ZEB1: variants seen among roughly 807,000 people sequenced by gnomAD.
ZEB1 encodes the protein zinc finger E-box-binding homeobox 1.
Under a neutral mutation model 84.9 loss-of-function variants are expected in ZEB1, and 21 were observed. That is an observed-to-expected ratio of 0.25 (90% CI 0.18 to 0.36). The LOEUF (loss-of-function observed/expected upper bound fraction) is 0.36. ZEB1 is among the 10% of genes least tolerant of loss of function. ZEB1 has a pLI of 1.00. For missense variants in ZEB1, 1,104 were observed against 1,330.2 expected (o/e 0.83, Z 2.65); for synonymous variants, 420 against 471.1 (o/e 0.89, Z 1.41).
intron 1 of ZEB1, among the ~76,000 whole-genome samples, chr10:31,442,876 G>T (rs576180772): frequency 6.6e-6 from 1 of 152,324 alleles, no homozygotes; most frequent in South Asian, 2.1e-4. Context: ...GACAAGAACA[G>T]TGTTGGTGGA....
intron 1 of ZEB1, chr10:31,319,531 T>G: frequency 3.9e-6 from 2 of 512,788 alleles, no homozygotes; most frequent in East Asian, 3.5e-5. Flanking sequence ...TCTCTCCGCC[T>G]AGCGGCTCCC....
At chr10:31,343,512 G>A (rs929361038) in intron 1 of ZEB1, among the ~76,000 whole-genome samples, 3 of 151,346 alleles carry the variant, frequency 2.0e-5, no homozygotes, top group Non-Finnish European at 4.4e-5. Flanking sequence ...TTTAAAGTAC[G>A]GCCTTTGATT....
chr10:31,420,551 G>A (rs904719101), intron 1 of ZEB1, among the ~76,000 whole-genome samples: 2 of 152,112 alleles, frequency 1.3e-5, no homozygotes, highest in African/African-American at 4.8e-5. Flanking sequence ...TCTTTTAAGG[G>A]TTCACCTGAT....
chr10:31,323,639 G>C (rs1246938575), intron 1 of ZEB1, among the ~76,000 whole-genome samples: 1 of 151,950 alleles, frequency 6.6e-6, no homozygotes, highest in East Asian at 1.9e-4. Flanking sequence ...TCTGTAGTTC[G>C]TACGTTGCTG....
chr10:31,451,789 G>A (rs984680875), intron 1 of ZEB1, among the ~76,000 whole-genome samples: 6 of 152,166 alleles, frequency 3.9e-5, no homozygotes, highest in Non-Finnish European at 8.8e-5. Flanking sequence ...AGGTAATTTG[G>A]GAGGATGGCT....
At position 31,452,732 on chromosome 10, in the gene ZEB1, TGTGTGTGTGTGAGAGAGAGA is replaced by T. The variant is rs1395256270; in HGVS notation, c.59-8303_59-8284del. Among the ~76,000 whole-genome samples the T allele has an allele frequency of 3.8e-3, 423 of 111,868 alleles. 3 individuals are homozygous for T. Among genetic ancestry groups the T allele is most frequent in the African/African-American group, 0.018 (351 of 19,224 alleles). The allele number at this position is 111,868 out of a possible 152,430, so 73.4% of individuals were successfully genotyped here. A position where few individuals can be genotyped will look rare whatever the true frequency, so the allele number is the denominator to read the frequency against. Reference sequence around the variant, plus strand: ...GTGTGTGTGTGTGTGTGTGTGTGTGTGTGTGTGTGTGAGAGAGAGAGAGAGAGAGAGAGAGAGAGAGAGAT... The same window carrying T: ...GTGTGTGTGTGTGTGTGTGTGTGTGTGAGAGAGAGAGAGAGAGAGAGAGAT... On this transcript the variant is annotated intron_variant, in intron 1 of 8. Coordinates refer to ENST00000424869, the MANE Select transcript of ZEB1 (RefSeq NM_001174096.2).
intron 1 of ZEB1, among the ~76,000 whole-genome samples, chr10:31,342,189 A>G (rs901742795): frequency 2.0e-5 from 3 of 152,184 alleles, no homozygotes; most frequent in African/African-American, 7.2e-5. Flanking sequence ...AGGCTCAAAT[A>G]CTTGTTGAAT....
chr10:31,416,793 G>A (rs991439342), intron 1 of ZEB1, among the ~76,000 whole-genome samples: 6 of 152,056 alleles, frequency 3.9e-5, no homozygotes, highest in African/African-American at 9.7e-5. Context: ...CAAATTAAAC[G>A]CTTTCATCAA....
rs372188581 is a variant in ZEB1 at position 31,346,557 on chromosome 10, C to T, written c.58+27265C>T. Among the ~76,000 whole-genome samples the T allele has an allele frequency of 1.2e-4, 18 of 151,456 alleles. No homozygotes were observed. The East Asian group carries it at 3.3e-3, about 28-fold the overall frequency. On this transcript the variant is annotated intron_variant, in intron 1 of 8. Coordinates refer to ENST00000424869, the MANE Select transcript of ZEB1 (RefSeq NM_001174096.2). Reference sequence around the variant, plus strand: ...TAAATATAAAATTGAAACTTTTGCACGTAGAGTTTTTTTTTTCTTTTTGAG... The same window carrying T: ...TAAATATAAAATTGAAACTTTTGCATGTAGAGTTTTTTTTTTCTTTTTGAG...
chr10:31,356,419 A>T (rs897187387), intron 1 of ZEB1, among the ~76,000 whole-genome samples: 17 of 152,118 alleles, frequency 1.1e-4, no homozygotes, highest in African/African-American at 4.1e-4. Flanking sequence ...TCAGATTTGG[A>T]AGGTGACTCT....
intron 2 of ZEB1, among the ~76,000 whole-genome samples, chr10:31,492,883 T>C (rs1261817848): frequency 6.6e-6 from 1 of 151,920 alleles, no homozygotes; most frequent in East Asian, 1.9e-4. Context: ...ATAAGCTCTT[T>C]TGGTCTAAAT....
intron 1 of ZEB1, chr10:31,362,962 A>T: frequency 6.5e-7 from 1 of 1,533,870 alleles, no homozygotes; most frequent in Non-Finnish European, 8.7e-7. Context: ...ACCCACCAAC[A>T]GTGCCTCAGG....
At chr10:31,334,740 C>T (rs1435221019) in intron 1 of ZEB1, among the ~76,000 whole-genome samples, 1 of 151,908 alleles carries the variant, frequency 6.6e-6, no homozygotes, top group East Asian at 1.9e-4. Context: ...GGGAATGTTA[C>T]TACAGGTGTT....
chr10:31,398,256 C>T (rs2051198989), intron 1 of ZEB1, among the ~76,000 whole-genome samples: 1 of 152,094 alleles, frequency 6.6e-6, no homozygotes, highest in Non-Finnish European at 1.5e-5. Flanking sequence ...AAAAATTATA[C>T]TATTCATTGG....
intron 2 of ZEB1, among the ~76,000 whole-genome samples, chr10:31,478,010 G>A (rs1452186304): frequency 6.6e-6 from 1 of 151,764 alleles, no homozygotes; most frequent in Non-Finnish European, 1.5e-5. Flanking sequence ...AAGTACACAG[G>A]TGGGACTTAA....
At chr10:31,450,943 C>T (rs568773602) in intron 1 of ZEB1, among the ~76,000 whole-genome samples, 2 of 151,744 alleles carry the variant, frequency 1.3e-5, no homozygotes, top group East Asian at 1.9e-4. Flanking sequence ...CATGTATATC[C>T]TTCCTCAGAT....
intron 1 of ZEB1, among the ~76,000 whole-genome samples, chr10:31,397,628 A>G (rs1017562097): frequency 1.3e-5 from 2 of 152,240 alleles, no homozygotes; most frequent in Non-Finnish European, 2.9e-5. Flanking sequence ...CAAATTATAT[A>G]TAGCCCATGG....
chr10:31,383,102 A>C (rs1189319849), intron 1 of ZEB1, among the ~76,000 whole-genome samples: 1 of 151,866 alleles, frequency 6.6e-6, no homozygotes, highest in Non-Finnish European at 1.5e-5. Context: ...ATATATATAT[A>C]TATAAAATGC....
intron 1 of ZEB1, among the ~76,000 whole-genome samples, chr10:31,398,736 C>A (rs544578225): frequency 6.6e-6 from 1 of 152,126 alleles, no homozygotes. Context: ...GACCTGGCAA[C>A]GGTGTTTAAC....
Sources: allele counts gnomAD v4.1 joint callset (sites outside exome capture counted in the v4.1 genomes callset), GRCh38; gene constraint gnomAD v4.1.1; transcripts MANE v1.5; gene names NCBI Gene and HGNC (gene_info 2026-07-23, HGNC 2026-07-21).